RUNX2: variants seen among roughly 807,000 people sequenced by gnomAD.
RUNX2 encodes the protein RUNX family transcription factor 2.
A neutral mutation model predicts 51.7 loss-of-function variants in RUNX2; 10 were observed. The ratio of observed to expected loss-of-function variants is 0.19; its 90% CI spans 0.12 to 0.33. The LOEUF is 0.33. Among genes scored for constraint, RUNX2 ranks in the 10% least tolerant of loss-of-function variants. The pLI, the probability that RUNX2 is intolerant of heterozygous loss-of-function variation, is 1.00. For synonymous variants in RUNX2, 276 were observed against 273.6 expected (o/e 1.01, Z -0.09); for missense variants, 562 against 691.3 (o/e 0.81, Z 2.10).
intron 7 of RUNX2, among the ~76,000 whole-genome samples, chr6:45,518,562 T>C (rs923134746): frequency 6.6e-6 from 1 of 152,188 alleles, no homozygotes; most frequent in African/African-American, 2.4e-5. Context: ...AGCTTGGTTG[T>C]ATGATTAATT....
intron 3 of RUNX2, among the ~76,000 whole-genome samples, chr6:45,425,794 T>C (rs1374125842): frequency 6.6e-6 from 1 of 152,146 alleles, no homozygotes; most frequent in Admixed American, 6.5e-5. Flanking sequence ...TTAAAAGTGG[T>C]GACAGCAATT....
At chr6:45,399,571 G>T (rs953667024) in intron 2 of RUNX2, among the ~76,000 whole-genome samples, 1 of 151,386 alleles carries the variant, frequency 6.6e-6, no homozygotes, top group Non-Finnish European at 1.5e-5. Flanking sequence ...TGTTGGTCAG[G>T]GTAGTCTTGA....
At chr6:45,371,608 C>T (rs1188043366) in intron 2 of RUNX2, among the ~76,000 whole-genome samples, 1 of 152,148 alleles carries the variant, frequency 6.6e-6, no homozygotes, top group Non-Finnish European at 1.5e-5. Context: ...AGTAAAAGAT[C>T]TCTATCTCCT....
At chr6:45,406,227 G>A (rs1218991138) in intron 2 of RUNX2, among the ~76,000 whole-genome samples, 2 of 151,840 alleles carry the variant, frequency 1.3e-5, no homozygotes, top group African/African-American at 4.9e-5. Flanking sequence ...CTACCCCTAT[G>A]ATAAGGGAAC....
Position 45,465,857 on chromosome 6 carries a change from G to C in RUNX2, c.686-26084G>C, listed in dbSNP as rs1489404900. ...GACAGGGTTTCACCATGTTGCCCAG[G>C]CTGGTTTCGAACTGCTGGACGCAAG... is the stretch of plus-strand genomic sequence containing the variant. On this transcript the variant is annotated intron_variant, in intron 5 of 8. Transcript: ENST00000647337. Among the ~76,000 whole-genome samples, 5 of 151,550 alleles carry C rather than the reference G, an allele frequency of 3.3e-5. 1 individual carries two copies. The highest frequency in any genetic ancestry group is 3.3e-4 in the Admixed American group (5 of 15,202).
chr6:45,347,504 G>A (rs1459202968), intron 2 of RUNX2, among the ~76,000 whole-genome samples: 2 of 152,000 alleles, frequency 1.3e-5, no homozygotes, highest in East Asian at 3.9e-4. Flanking sequence ...TTAAGTTTGA[G>A]AAAAACAAAA....
At chr6:45,370,182 A>G (rs1294276028) in intron 2 of RUNX2, among the ~76,000 whole-genome samples, 1 of 152,222 alleles carries the variant, frequency 6.6e-6, no homozygotes, top group Non-Finnish European at 1.5e-5. Context: ...TGTGCAGACA[A>G]GAGATGACAG....
At chr6:45,435,584 C>T (rs1798660311) in intron 4 of RUNX2, among the ~76,000 whole-genome samples, 1 of 152,200 alleles carries the variant, frequency 6.6e-6, no homozygotes, top group African/African-American at 2.4e-5. Context: ...TCTTGAACTC[C>T]TGACCTCAGG....
At chr6:45,398,393 C>A (rs991380604) in intron 2 of RUNX2, among the ~76,000 whole-genome samples, 2 of 152,114 alleles carry the variant, frequency 1.3e-5, no homozygotes, top group African/African-American at 4.8e-5. Context: ...AACAAAGAGG[C>A]AGTTTAGCTG....
chr6:45,413,395 C>T (rs1420111141), intron 2 of RUNX2, among the ~76,000 whole-genome samples: 1 of 145,616 alleles, frequency 6.9e-6, no homozygotes, highest in South Asian at 2.2e-4. Flanking sequence ...GCTATCAATA[C>T]TTCAAGTAGA....
At position 45,550,382 on chromosome 6, in the gene RUNX2, G is replaced by C. The variant is rs1802529971; in HGVS notation, c.*3077G>C. 1 of 152,184 alleles carries C rather than the reference G, an allele frequency of 6.6e-6. No homozygotes were observed. The highest frequency in any genetic ancestry group is 2.4e-5 in the African/African-American group (1 of 41,452). The allele number at this position is 152,184 out of a possible 1,614,324, so 9.4% of individuals were successfully genotyped here. On this transcript the variant is annotated 3_prime_UTR_variant, in exon 9 of 9. Coordinates refer to ENST00000647337, the MANE Select transcript of RUNX2 (RefSeq NM_001024630.4). ...CCAGAGCCCTTTCAAAATGAGCAGA[G>C]AAGTCCACACCATTAGGGACCATCT... is the stretch of plus-strand genomic sequence containing the variant.
intron 2 of RUNX2, among the ~76,000 whole-genome samples, chr6:45,401,705 T>C (rs550254998): frequency 2.0e-5 from 3 of 152,246 alleles, no homozygotes; most frequent in Non-Finnish European, 4.4e-5. Context: ...TGACTGACTG[T>C]TGGGGCCCCT....
At chr6:45,358,838 A>G (rs1793722168) in intron 2 of RUNX2, among the ~76,000 whole-genome samples, 1 of 152,184 alleles carries the variant, frequency 6.6e-6, no homozygotes, top group South Asian at 2.1e-4. Flanking sequence ...ATAAAAAAAG[A>G]CTATAAATAG....
At chr6:45,376,838 T>C (rs192643783) in intron 2 of RUNX2, among the ~76,000 whole-genome samples, 1 of 152,334 alleles carries the variant, frequency 6.6e-6, no homozygotes, top group African/African-American at 2.4e-5. Context: ...CCAGGTCCTC[T>C]CCTTCCAAAT....
chr6:45,468,582 G>T (rs1005452319), intron 5 of RUNX2, among the ~76,000 whole-genome samples: 2 of 152,070 alleles, frequency 1.3e-5, no homozygotes, highest in Non-Finnish European at 2.9e-5. Context: ...TTTGTCTTTG[G>T]TTTCTAGATG....
At chr6:45,445,768 A>C (rs1563090411) in intron 5 of RUNX2, among the ~76,000 whole-genome samples, 1 of 151,910 alleles carries the variant, frequency 6.6e-6, no homozygotes, top group African/African-American at 2.4e-5. Flanking sequence ...TTAAGAGAAT[A>C]ATAACAGTAA....
intron 5 of RUNX2, among the ~76,000 whole-genome samples, chr6:45,465,021 T>C (rs1799582073): frequency 6.6e-6 from 1 of 152,324 alleles, no homozygotes; most frequent in South Asian, 2.1e-4. Flanking sequence ...TTGAGCCTTA[T>C]AAGAAAAAAT....
At chr6:45,510,264 A>G (rs1429446053) in intron 6 of RUNX2, among the ~76,000 whole-genome samples, 2 of 152,236 alleles carry the variant, frequency 1.3e-5, no homozygotes, top group Non-Finnish European at 2.9e-5. Flanking sequence ...CTGAAGGAAA[A>G]GTTTGTTAAC....
chr6:45,527,943 TA>T (rs774972583), intron 7 of RUNX2, among the ~76,000 whole-genome samples: 1 of 152,196 alleles, frequency 6.6e-6, no homozygotes, highest in Non-Finnish European at 1.5e-5. Context: ...CTGAGTAATT[TA>T]TAAAGAAAGA....
Sources: allele counts gnomAD v4.1 joint callset (sites outside exome capture counted in the v4.1 genomes callset), GRCh38; gene constraint gnomAD v4.1.1; transcripts MANE v1.5; gene names NCBI Gene and HGNC (gene_info 2026-07-23, HGNC 2026-07-21).